Variants in EPSTI1 observed in about 807,000 individuals in gnomAD.
EPSTI1 encodes epithelial stromal interaction 1.
EPSTI1 carries 66 observed loss-of-function variants against 49.9 expected under a neutral mutation model. The observed-to-expected ratio is 1.32, with a 90% confidence interval of 1.08 to 1.62. The LOEUF is 1.62. Ranked by LOEUF, EPSTI1 falls within the 40% of genes most tolerant of loss-of-function variation. The pLI is 0.00. For synonymous variants in EPSTI1, 137 were observed against 130.7 expected (o/e 1.05, Z -0.33); for missense variants, 394 against 365.5 (o/e 1.08, Z -0.64).
intron 3 of EPSTI1, among the ~76,000 whole-genome samples, chr13:42,967,289 T>TAAA (rs747737457): frequency 7.4e-4 from 21 of 28,526 alleles, no homozygotes; most frequent in Non-Finnish European, 1.3e-3. Flanking sequence ...AAAAATAAAT[T>TAAA]AAAAAAAAAA....
intron 7 of EPSTI1, among the ~76,000 whole-genome samples, chr13:42,925,039 A>G (rs1169116812): frequency 6.6e-6 from 1 of 152,058 alleles, no homozygotes; most frequent in Non-Finnish European, 1.5e-5. Flanking sequence ...CCTTAATTAC[A>G]CTTACTTTCT....
At chr13:42,983,149 T>C (rs2040015425) in intron 1 of EPSTI1, among the ~76,000 whole-genome samples, 1 of 152,222 alleles carries the variant, frequency 6.6e-6, no homozygotes. Context: ...ATATCAGCCA[T>C]GAACCTAGGG....
At chr13:42,909,458 A>C (rs183723616) in intron 8 of EPSTI1, among the ~76,000 whole-genome samples, 5 of 152,300 alleles carry the variant, frequency 3.3e-5, no homozygotes, top group African/African-American at 1.2e-4. Context: ...AGGAAATAAA[A>C]CAAGTATGTC....
At chr13:42,988,147 G>A (rs1276502123) in intron 1 of EPSTI1, among the ~76,000 whole-genome samples, 2 of 152,176 alleles carry the variant, frequency 1.3e-5, no homozygotes, top group South Asian at 2.1e-4. Context: ...TACCAGCACA[G>A]GCAAGACCCC....
intron 5 of EPSTI1, among the ~76,000 whole-genome samples, chr13:42,956,040 C>T (rs531841061): frequency 3.9e-5 from 6 of 152,178 alleles, no homozygotes; most frequent in Admixed American, 2.6e-4. Context: ...GTTACAGCCT[C>T]GTTGGGGACA....
chr13:42,909,849 A>C (rs73468032), intron 8 of EPSTI1, among the ~76,000 whole-genome samples: 4,730 of 152,230 alleles, frequency 0.031, 168 homozygotes, highest in East Asian at 0.11. Context: ...ATAGGGAATA[A>C]ATTCAAGAGA....
chr13:42,929,622 C>A (rs1468951256), intron 6 of EPSTI1, among the ~76,000 whole-genome samples: 1 of 152,092 alleles, frequency 6.6e-6, no homozygotes, highest in Non-Finnish European at 1.5e-5. Flanking sequence ...CGCACATTGA[C>A]AAATATTACA....
In EPSTI1 at chr13:42,963,457, G is replaced by T. The variant is rs2039518281; in HGVS notation, c.406-119C>A. 25 of 723,540 alleles carry T rather than the reference G, an allele frequency of 3.5e-5. 1 individual carries two copies. The South Asian group carries it at 4.4e-4, about 13-fold the overall frequency. The allele number at this position is 723,540 out of a possible 1,614,324, so 44.8% of individuals were successfully genotyped here. On this transcript the variant is annotated intron_variant, in intron 4 of 10. Transcript: ENST00000313624. The stretch of plus-strand genomic sequence containing the variant: ...TATTGTTTGTGCTATACCTCACCAT[G>T]ATTATAGGTTGTTACTTCAAGCTAC...
At chr13:42,888,818 G>A (rs1594592951) in intron 10 of EPSTI1, among the ~76,000 whole-genome samples, 1 of 152,172 alleles carries the variant, frequency 6.6e-6, no homozygotes, top group African/African-American at 2.4e-5. Context: ...CACAGTTACA[G>A]CAAGGACAGG....
intron 8 of EPSTI1, among the ~76,000 whole-genome samples, chr13:42,909,008 T>C (rs1188470659): frequency 2.6e-5 from 4 of 151,604 alleles, no homozygotes. Context: ...CAGGAGAATC[T>C]CTTGAAAACA....
At chr13:42,916,652 A>AT (rs1488291381) in intron 8 of EPSTI1, among the ~76,000 whole-genome samples, 2 of 152,260 alleles carry the variant, frequency 1.3e-5, no homozygotes, top group Non-Finnish European at 2.9e-5. Flanking sequence ...ATTCTAGTTA[A>AT]TTATAGAACT....
intron 6 of EPSTI1, among the ~76,000 whole-genome samples, chr13:42,927,414 A>G (rs1331580587): frequency 1.3e-5 from 2 of 152,174 alleles, no homozygotes; most frequent in Non-Finnish European, 2.9e-5. Flanking sequence ...CTTACTTTGC[A>G]CCAGACTTGC....
At chr13:42,981,428 G>A (rs2039984710) in intron 1 of EPSTI1, among the ~76,000 whole-genome samples, 1 of 152,108 alleles carries the variant, frequency 6.6e-6, no homozygotes, top group Non-Finnish European at 1.5e-5. Flanking sequence ...TCATCATCCT[G>A]TTGATTTATT....
At chr13:42,982,252 GCTA>G (rs1350005782) in intron 1 of EPSTI1, among the ~76,000 whole-genome samples, 21 of 152,232 alleles carry the variant, frequency 1.4e-4, no homozygotes, top group African/African-American at 5.1e-4. Flanking sequence ...TTTCCTCAAA[GCTA>G]CACTCCCACC....
chr13:42,898,230 C>T (rs374465253), intron 9 of EPSTI1, among the ~76,000 whole-genome samples: 1 of 152,172 alleles, frequency 6.6e-6, no homozygotes, highest in East Asian at 1.9e-4. Flanking sequence ...GCACGTTGTC[C>T]TTTTGATGCC....
rs142894816 is a variant in EPSTI1, at chr13:42,964,777, A to C, written c.332-638T>G. On this transcript the variant is annotated intron_variant, in intron 3 of 10. Transcript: ENST00000313624. The stretch of plus-strand genomic sequence containing the variant: ...TAGATTATTTACTTGCTCTCTCTTA[A>C]ACCTAAAAGAATTTGGGGCCAGAAA... Among the ~76,000 whole-genome samples, 130 of 152,298 alleles carry C rather than the reference A, an allele frequency of 8.5e-4. 1 individual carries two copies. The highest frequency in any genetic ancestry group is 3.1e-3 in the African/African-American group (127 of 41,550).
intron 1 of EPSTI1, among the ~76,000 whole-genome samples, chr13:42,976,558 T>C (rs1416067636): frequency 6.6e-6 from 1 of 152,202 alleles, no homozygotes; most frequent in Non-Finnish European, 1.5e-5. Context: ...TGAAATGTGC[T>C]ATATATTTTC....
intron 5 of EPSTI1, among the ~76,000 whole-genome samples, chr13:42,954,370 T>C (rs1314794794): frequency 6.6e-6 from 1 of 152,254 alleles, no homozygotes; most frequent in Non-Finnish European, 1.5e-5. Flanking sequence ...ATACCAAGTA[T>C]GTTAAATTAA....
chr13:42,918,341 T>C (rs2153418545), intron 7 of EPSTI1, among the ~76,000 whole-genome samples: 1 of 152,326 alleles, frequency 6.6e-6, no homozygotes, highest in Non-Finnish European at 1.5e-5. Context: ...ATTTGTCATA[T>C]GCTTTCTCTC....
Sources: gnomAD v4.1 joint callset for allele counts (sites outside exome capture counted in the v4.1 genomes callset) on GRCh38, gnomAD v4.1.1 for gene constraint, MANE v1.5 for transcripts, NCBI Gene and HGNC (gene_info 2026-07-23, HGNC 2026-07-21) for gene names.